TMEM67: variants seen among roughly 807,000 people sequenced by gnomAD.
TMEM67 encodes meckelin.
In TMEM67, 124 loss-of-function variants were observed where a neutral mutation model predicts 136.6. That is an observed-to-expected ratio of 0.91 (90% CI 0.78 to 1.05). The LOEUF (loss-of-function observed/expected upper bound fraction) is 1.05. Ranked by LOEUF, TMEM67 falls within the 50% of genes least tolerant of loss-of-function variation. The pLI, the probability that TMEM67 is intolerant of heterozygous loss-of-function variation, is 0.00. For missense variants in TMEM67, 1,107 were observed against 1,178.4 expected, an observed-to-expected ratio of 0.94 and a Z score of 0.89; for synonymous variants, 364 against 390.5, an observed-to-expected ratio of 0.93 and a Z score of 0.80.
intron 13 of TMEM67, 43 bp from the exon 14 acceptor site, chr8:93,787,801 C>T: frequency 1.4e-6 from 2 of 1,415,192 alleles, no homozygotes; most frequent in Non-Finnish European, 2.0e-6. Context: ...TGTTTAAAGG[C>T]CCGGATATAC....
At chr8:93,769,722 A>G (rs1002416455) in intron 6 of TMEM67, 7 of 165,790 alleles carry the variant, frequency 4.2e-5, no homozygotes, top group African/African-American at 1.7e-4. Flanking sequence ...TCAGATTCTA[A>G]GGGCTTGTTT....
At chr8:93,790,133 T>C (rs1321064178) in intron 14 of TMEM67, among the ~76,000 whole-genome samples, 1 of 152,192 alleles carries the variant, frequency 6.6e-6, no homozygotes, top group Non-Finnish European at 1.5e-5. Context: ...ATTCTAATTA[T>C]AAAATATACA....
At chr8:93,755,889 T>C in intron 2 of TMEM67, 23 bp downstream of exon 2, 1 of 1,336,186 alleles carries the variant, frequency 7.5e-7, no homozygotes. Context: ...TATTTTAAAA[T>C]AACTTACCTG....
the TMEM67 span, among the ~76,000 whole-genome samples, chr8:93,831,481 A>AT: frequency 2.6e-5 from 4 of 152,122 alleles, no homozygotes; most frequent in Non-Finnish European, 5.9e-5. Context: ...TAACAGGACT[A>AT]TTTTTTTCTG....
At chr8:93,796,023 G>A (rs768672920) in intron 18 of TMEM67, 36 bp downstream of exon 18, 64 of 1,304,062 alleles carry the variant, frequency 4.9e-5, no homozygotes, top group African/African-American at 8.7e-5. Flanking sequence ...AATTTAAAAG[G>A]CCTGCTAATG....
intron 14 of TMEM67, among the ~76,000 whole-genome samples, chr8:93,790,006 A>T (rs1814304338): frequency 6.6e-6 from 1 of 152,086 alleles, no homozygotes; most frequent in South Asian, 2.1e-4. Flanking sequence ...TGAACCTGGG[A>T]TGTAGAGATG....
intron 21 of TMEM67, among the ~76,000 whole-genome samples, chr8:93,800,235 AG>A (rs1814813395): frequency 6.6e-6 from 1 of 152,160 alleles, no homozygotes; most frequent in South Asian, 2.1e-4. Context: ...ATATTGTATT[AG>A]TCACTGTGCT....
At chr8:93,827,326 G>T in the TMEM67 span, among the ~76,000 whole-genome samples, 4 of 152,216 alleles carry the variant, frequency 2.6e-5, no homozygotes, top group Middle Eastern at 3.4e-3. Context: ...CAACCTGTAG[G>T]AGGATACTGA....
chr8:93,785,809 C>G (rs1814069708), intron 12 of TMEM67: 1 of 227,306 alleles, frequency 4.4e-6, no homozygotes, highest in Admixed American at 5.3e-5. Context: ...CACGGTGGCT[C>G]ACGCCTATAA....
At chr8:93,779,117 C>A (rs548007406) in intron 7 of TMEM67, among the ~76,000 whole-genome samples, 1 of 152,178 alleles carries the variant, frequency 6.6e-6, no homozygotes, top group Non-Finnish European at 1.5e-5. Flanking sequence ...TCTTCAATTA[C>A]TGATACCCTT....
chr8:93,759,034 C>T (rs1812703569), intron 3 of TMEM67: 2 of 152,934 alleles, frequency 1.3e-5, no homozygotes, highest in Non-Finnish European at 2.9e-5. Context: ...TGGTTATTTC[C>T]TTAACATAAC....
At chr8:93,793,838 TC>T in intron 16 of TMEM67, among the ~76,000 whole-genome samples, 1 of 152,208 alleles carries the variant, frequency 6.6e-6, no homozygotes, top group East Asian at 1.9e-4. Context: ...ATCCATGTAG[TC>T]CTTTGTTTAA....
At chr8:93,803,515 C>CT (rs2130756981) in intron 21 of TMEM67, 89 bp from the exon 22 acceptor site, 27 of 854,268 alleles carry the variant, frequency 3.2e-5, no homozygotes, top group Non-Finnish European at 4.3e-5. Context: ...TTGGTTGGAA[C>CT]TTTTTTTTCT....
the TMEM67 span, among the ~76,000 whole-genome samples, chr8:93,825,113 C>T: frequency 3.3e-5 from 5 of 152,276 alleles, no homozygotes; most frequent in Non-Finnish European, 5.9e-5. Flanking sequence ...GTTGTTAGCA[C>T]GGTGCCAGGA....
At chr8:93,795,530 C>T (rs1323840632) in intron 17 of TMEM67, 23 bp downstream of exon 17, 1 of 1,551,546 alleles carries the variant, frequency 6.4e-7, no homozygotes, top group East Asian at 2.2e-5. Context: ...CTGAATTTTC[C>T]CCAACTGCCA....
At chr8:93,755,750 G>GA in intron 1 of TMEM67, 28 bp from the exon 2 acceptor site, 1 of 1,001,052 alleles carries the variant, frequency 1.0e-6, no homozygotes, top group Non-Finnish European at 1.4e-6. Context: ...GATAAAATTG[G>GA]CTTTTTTTTT....
chr8:93,772,732 T>C (rs1344391878), intron 7 of TMEM67, 81 bp downstream of exon 7: 2 of 1,069,082 alleles, frequency 1.9e-6, no homozygotes, highest in Non-Finnish European at 1.4e-6. Flanking sequence ...AAAAGTTTTA[T>C]TTCTAAGTAG....
At chr8:93,824,134 T>TA (rs549807819), downstream of TMEM67, among the ~76,000 whole-genome samples, 342 of 152,280 alleles carry the variant, frequency 2.2e-3, 1 homozygote, top group Non-Finnish European at 4.1e-3. Flanking sequence ...CCAGGACTTT[T>TA]AAAAAAAGAT....
chr8:93,796,073 T>C lies in TMEM67; in HGVS notation c.1860+86T>C, dbSNP rs990909187. On this transcript the variant is annotated intron_variant, in intron 18 of 27. Transcript: ENST00000453321. ...TAAAATTAAAATGCTTTCAAAAATCTTTGGCGTGAAATTCACTTTGGTTTT... is the reference window on the plus strand; with the variant it reads ...TAAAATTAAAATGCTTTCAAAAATCCTTGGCGTGAAATTCACTTTGGTTTT... The C allele has an allele frequency of 1.6e-5, 15 of 926,144 alleles. No individual in the cohort carries two copies. The African/African-American group carries it at 2.3e-4, about 14-fold the overall frequency. The allele number at this position is 926,144 out of a possible 1,614,324, so 57.4% of individuals were successfully genotyped here.
Sources: allele counts gnomAD v4.1 joint callset (sites outside exome capture counted in the v4.1 genomes callset), GRCh38; gene constraint gnomAD v4.1.1; transcripts MANE v1.5; gene names NCBI Gene and HGNC (gene_info 2026-07-23, HGNC 2026-07-21).